The following ARHGAP26 variants were observed in gnomAD, a reference collection of about 807,000 sequenced individuals.
ARHGAP26 encodes Rho GTPase activating protein 26, also known as rho GTPase-activating protein 26.
In ARHGAP26, 38 loss-of-function variants were observed where a neutral mutation model predicts 104.8. The observed-to-expected ratio is 0.36, with a 90% CI of 0.28 to 0.48. The LOEUF (loss-of-function observed/expected upper bound fraction) is 0.48, where lower values mean the gene tolerates loss of function less well. ARHGAP26 is among the 20% of genes least tolerant of loss of function. ARHGAP26 has a pLI of 0.99. For missense variants in ARHGAP26, 704 were observed against 947.9 expected (o/e 0.74, Z 3.38); for synonymous variants, 341 against 340.0 (o/e 1.00, Z -0.03).
At chr5:142,935,640 G>C (rs186565233) in intron 11 of ARHGAP26, among the ~76,000 whole-genome samples, 2 of 152,288 alleles carry the variant, frequency 1.3e-5, no homozygotes, top group East Asian at 3.9e-4. Flanking sequence ...ACTTGGTCCA[G>C]AGGCTAGGAT....
intron 11 of ARHGAP26, among the ~76,000 whole-genome samples, chr5:142,952,796 G>A (rs1440978588): frequency 1.3e-5 from 2 of 152,046 alleles, no homozygotes; most frequent in African/African-American, 2.4e-5. Context: ...TGCAACCTCC[G>A]CCTCCCGGGT....
intron 19 of ARHGAP26, among the ~76,000 whole-genome samples, chr5:143,144,331 C>G (rs1045980163): frequency 4.6e-5 from 7 of 152,182 alleles, no homozygotes; most frequent in African/African-American, 1.7e-4. Flanking sequence ...CTGTCAGGAG[C>G]AGTACTCATT....
chr5:143,057,952 A>C (rs968785036), intron 17 of ARHGAP26: 5 of 687,892 alleles, frequency 7.3e-6, no homozygotes, highest in Non-Finnish European at 1.4e-5. Flanking sequence ...GATGCTGGGG[A>C]AGTGCTCATG....
chr5:143,028,271 C>T (rs1781367226), intron 12 of ARHGAP26, among the ~76,000 whole-genome samples: 1 of 152,154 alleles, frequency 6.6e-6, no homozygotes, highest in Admixed American at 6.5e-5. Flanking sequence ...GTTATCATTG[C>T]TGTTGTTACC....
chr5:143,013,451 A>G (rs1167597114), intron 11 of ARHGAP26, among the ~76,000 whole-genome samples: 1 of 151,862 alleles, frequency 6.6e-6, no homozygotes, highest in Non-Finnish European at 1.5e-5. Context: ...CCTTTTTGTG[A>G]TTTACATTAT....
Position 143,228,483 on chromosome 5 carries a change from AACTT to A in ARHGAP26, c.*6043_*6046del, listed in dbSNP as rs1176490158. On this transcript the variant is annotated 3_prime_UTR_variant, in exon 23 of 23. Coordinates refer to ENST00000645722, the MANE Select transcript of ARHGAP26 (RefSeq NM_001135608.3). ...ACTGTCTACAGCTACATTTTTTGTT[AACTT>A]ACTTAAAGTCATGTCGCAAGAAAGA... 35 of 220,260 alleles carry A rather than the reference AACTT, an allele frequency of 1.6e-4. No individual in the cohort carries two copies. The highest frequency in any genetic ancestry group is 4.9e-4 in the African/African-American group (22 of 44,674). 13.6% of individuals were successfully genotyped at this position (220,260 alleles called of 1,614,324 possible). A position where few individuals can be genotyped will look rare whatever the true frequency, so the allele number is the denominator to read the frequency against.
chr5:143,129,148 A>G (rs1797042205), intron 18 of ARHGAP26, among the ~76,000 whole-genome samples: 1 of 152,264 alleles, frequency 6.6e-6, no homozygotes, highest in Admixed American at 6.5e-5. Context: ...GAATAAGAAC[A>G]GGAAATTCTG....
chr5:143,101,922 C>T (rs920860028), intron 17 of ARHGAP26, among the ~76,000 whole-genome samples: 1 of 150,738 alleles, frequency 6.6e-6, no homozygotes, highest in Admixed American at 6.6e-5. Context: ...GAAGCAGCTA[C>T]TATGGCAACA....
intron 22 of ARHGAP26, chr5:143,216,403 A>T (rs1810359791): frequency 2.3e-6 from 1 of 434,590 alleles, no homozygotes; most frequent in East Asian, 7.1e-5. Context: ...TCTGAGAATT[A>T]CTTACAAGGC....
chr5:143,182,336 G>A (rs1026191441), intron 20 of ARHGAP26, among the ~76,000 whole-genome samples: 1 of 152,146 alleles, frequency 6.6e-6, no homozygotes, highest in Non-Finnish European at 1.5e-5. Flanking sequence ...AGAGTGGCTT[G>A]CAGATGATGA....
chr5:143,098,037 T>C (rs190143941), intron 17 of ARHGAP26, among the ~76,000 whole-genome samples: 48 of 152,306 alleles, frequency 3.2e-4, no homozygotes, highest in Admixed American at 2.2e-3. Context: ...CAGAATTCCA[T>C]ACAGTTTTTA....
intron 22 of ARHGAP26, among the ~76,000 whole-genome samples, chr5:143,218,544 T>C (rs1000925185): frequency 6.6e-6 from 1 of 152,146 alleles, no homozygotes; most frequent in Non-Finnish European, 1.5e-5. Context: ...TCCCTGTCCA[T>C]GGTGAGTGAA....
intron 20 of ARHGAP26, among the ~76,000 whole-genome samples, chr5:143,157,995 G>T (rs902542172): frequency 9.2e-5 from 14 of 152,184 alleles, no homozygotes; most frequent in Non-Finnish European, 2.1e-4. Context: ...CTACTTTCAA[G>T]GTTATAAGAT....
chr5:143,108,892 G>A (rs374260119), intron 17 of ARHGAP26, among the ~76,000 whole-genome samples: 4 of 152,276 alleles, frequency 2.6e-5, no homozygotes, highest in Non-Finnish European at 2.9e-5. Context: ...AGCTCTCAGC[G>A]CAAGCTCTCA....
intron 4 of ARHGAP26, among the ~76,000 whole-genome samples, chr5:142,884,483 T>G (rs532697618): frequency 6.6e-6 from 1 of 152,366 alleles, no homozygotes; most frequent in Non-Finnish European, 1.5e-5. Flanking sequence ...GTTACCCCAT[T>G]ACCATAACTC....
intron 11 of ARHGAP26, among the ~76,000 whole-genome samples, chr5:142,942,174 A>G (rs1236777114): frequency 1.3e-5 from 2 of 152,146 alleles, no homozygotes; most frequent in Non-Finnish European, 2.9e-5. Context: ...TGAGACCTGA[A>G]TTCCTTGATT....
intron 17 of ARHGAP26, among the ~76,000 whole-genome samples, chr5:143,080,918 AGTG>A (rs113757832): frequency 0.03 from 4,620 of 152,198 alleles, 94 homozygotes; most frequent in African/African-American, 0.049. Context: ...CTAGGGTAGT[AGTG>A]GTGGAAATGC....
intron 17 of ARHGAP26, among the ~76,000 whole-genome samples, chr5:143,088,687 C>G (rs7728103): frequency 0.096 from 14,539 of 152,234 alleles, 1,302 homozygotes; most frequent in East Asian, 0.36. Context: ...CTATAGAAGG[C>G]TGCGACCTTA....
intron 11 of ARHGAP26, among the ~76,000 whole-genome samples, chr5:142,949,732 C>G (rs1768020973): frequency 6.6e-6 from 1 of 152,038 alleles, no homozygotes; most frequent in Non-Finnish European, 1.5e-5. Context: ...GTGAATGAGC[C>G]AACTAATTTG....
Sources: allele counts gnomAD v4.1 joint callset (sites outside exome capture counted in the v4.1 genomes callset), GRCh38; gene constraint gnomAD v4.1.1; transcripts MANE v1.5; gene names NCBI Gene and HGNC (gene_info 2026-07-23, HGNC 2026-07-21).